Variants in ARL5A observed in about 807,000 individuals in gnomAD.
ARL5A encodes the protein ARF like GTPase 5A.
Under a neutral mutation model 25.9 loss-of-function variants are expected in ARL5A, and 18 were observed. The observed-to-expected ratio is 0.69, with a 90% confidence interval of 0.48 to 1.03. The LOEUF is 1.03. Among genes scored for constraint, ARL5A ranks in the 50% least tolerant of loss-of-function variants. The pLI is 0.00. For missense variants in ARL5A, 170 were observed against 211.9 expected (o/e 0.80, Z 1.23); for synonymous variants, 61 against 67.5 (o/e 0.90, Z 0.47).
rs1391615152 is a variant in ARL5A, at chr2:151,801,366, T to C, written c.*1910A>G. ...GGACTAAGCACATGATTATTCAAAT[T>C]AAAACATAAAAAGGACAAAAGGTGT... On this transcript the variant is annotated 3_prime_UTR_variant, in exon 6 of 6. Transcript: ENST00000295087. 1 of 152,102 alleles carries C rather than the reference T, an allele frequency of 6.6e-6. No individual in the cohort carries two copies. The highest frequency in any genetic ancestry group is 1.5e-5 in the Non-Finnish European group (1 of 67,960). 9.4% of individuals were successfully genotyped at this position (152,102 alleles called of 1,614,324 possible).
intron 1 of ARL5A, among the ~76,000 whole-genome samples, chr2:151,816,421 A>C (rs2099831511): frequency 6.6e-6 from 1 of 152,212 alleles, no homozygotes; most frequent in African/African-American, 2.4e-5. Context: ...TTCCTAGCTG[A>C]GCTTAGTCGA....
At chr2:151,815,611 G>C (rs1343073302) in intron 1 of ARL5A, among the ~76,000 whole-genome samples, 1 of 152,202 alleles carries the variant, frequency 6.6e-6, no homozygotes, top group Non-Finnish European at 1.5e-5. Flanking sequence ...CATGTGTGTG[G>C]AGTGGAGTGA....
At chr2:151,809,688 TAAGA>T (rs1045545014) in intron 4 of ARL5A, among the ~76,000 whole-genome samples, 2 of 152,224 alleles carry the variant, frequency 1.3e-5, no homozygotes, top group African/African-American at 4.8e-5. Flanking sequence ...ATTTCTAGTC[TAAGA>T]TATATTTTAG....
At chr2:151,806,793 G>A (rs780069323) in intron 5 of ARL5A, 28 bp downstream of exon 5, 7 of 1,578,070 alleles carry the variant, frequency 4.4e-6, no homozygotes, top group East Asian at 4.5e-5. Context: ...ATAAATGTTC[G>A]ATAACATTTA....
intron 2 of ARL5A, among the ~76,000 whole-genome samples, chr2:151,814,872 G>A (rs1471837280): frequency 6.6e-6 from 1 of 151,922 alleles, no homozygotes; most frequent in Non-Finnish European, 1.5e-5. Flanking sequence ...CACCGCACCC[G>A]GCCATATTTT....
chr2:151,798,881 G>A lies in ARL5A; in HGVS notation c.*4395C>T, dbSNP rs2099829038. On this transcript the variant is annotated 3_prime_UTR_variant, in exon 6 of 6. Transcript: ENST00000295087. The stretch of plus-strand genomic sequence containing the variant: ...TAGGCACTTCTTGAGTACAGACTAT[G>A]GGAATTTTCTACCAAAGAACAGGAT... 6.6e-6 allele frequency: 1 copy of A among 151,918 alleles called. No individual in the cohort carries two copies. Among genetic ancestry groups the A allele is most frequent in the South Asian group, 2.1e-4 (1 of 4,818 alleles). The allele number at this position is 151,918 out of a possible 1,614,324, so 9.4% of individuals were successfully genotyped here. A position where few individuals can be genotyped will look rare whatever the true frequency, so the allele number is the denominator to read the frequency against.
At chr2:151,805,091 A>G (rs2099829914) in intron 5 of ARL5A, among the ~76,000 whole-genome samples, 1 of 152,144 alleles carries the variant, frequency 6.6e-6, no homozygotes, top group Middle Eastern at 3.2e-3. Context: ...ATTGACAAAT[A>G]TTATAAATCC....
chr2:151,826,897 CCTTT>C (rs1012859153), intron 1 of ARL5A, among the ~76,000 whole-genome samples: 23 of 151,702 alleles, frequency 1.5e-4, no homozygotes, highest in African/African-American at 5.6e-4. Flanking sequence ...TTGATACTGC[CCTTT>C]CTTTCGGTAT....
intron 4 of ARL5A, 79 bp from the exon 5 acceptor site, chr2:151,807,051 A>G (rs1578372117): frequency 1.5e-6 from 2 of 1,322,702 alleles, no homozygotes; most frequent in Non-Finnish European, 2.1e-6. Context: ...TCTTTTTCAC[A>G]ATCTTAGTAA....
chr2:151,803,806 C>T (rs141457821), intron 5 of ARL5A, among the ~76,000 whole-genome samples: 108 of 152,264 alleles, frequency 7.1e-4, no homozygotes, highest in African/African-American at 1.9e-3. Context: ...TCTGGCAATA[C>T]GTATCAAAAA....
chr2:151,808,106 GGTGT>G (rs2099830322), intron 4 of ARL5A, among the ~76,000 whole-genome samples: 1 of 152,008 alleles, frequency 6.6e-6, no homozygotes, highest in African/African-American at 2.4e-5. Context: ...ACAATTTGAG[GGTGT>G]TAATAAATAG....
intron 5 of ARL5A, 103 bp from the exon 6 acceptor site, chr2:151,803,427 A>G (rs916671309): frequency 6.2e-6 from 5 of 812,682 alleles, no homozygotes; most frequent in South Asian, 3.0e-5. Flanking sequence ...ATTTAGCTAA[A>G]TAACAAAGAT....
chr2:151,799,992 G>A lies in ARL5A; in HGVS notation c.*3284C>T, dbSNP rs953935695. ...GGAGAGTGGGAGAGGTCAAAGTTAC[G>A]AGGAGAAACTTGTCTCTACCCAGCC... On this transcript the variant is annotated 3_prime_UTR_variant, in exon 6 of 6. Coordinates refer to ENST00000295087, the MANE Select transcript of ARL5A (RefSeq NM_012097.4). The A allele has an allele frequency of 2.0e-5, 3 of 152,166 alleles. No individual in the cohort carries two copies. Among genetic ancestry groups the A allele is most frequent in the Non-Finnish European group, 4.4e-5 (3 of 68,038 alleles). 9.4% of individuals were successfully genotyped at this position (152,166 alleles called of 1,614,324 possible). A position where few individuals can be genotyped will look rare whatever the true frequency, so the allele number is the denominator to read the frequency against.
At chr2:151,815,090 C>CA (rs2099831327) in intron 2 of ARL5A, 49 bp downstream of exon 2, 2 of 1,430,482 alleles carry the variant, frequency 1.4e-6, no homozygotes, top group African/African-American at 1.4e-5. Flanking sequence ...TCACCCAGGC[C>CA]AAAAAAGTAA....
Position 151,814,193 on chromosome 2 carries a change from C to G in ARL5A, c.231G>C (p.Trp77Cys). The change falls in exon 3 of 6, where the codon TGG (tryptophan) becomes TGC (cysteine). Residue 77 changes from tryptophan (W) to cysteine (C), a missense_variant. Transcript: ENST00000295087. ...CCTCTGTGTTAGTATAGTAAGTGTT[C>G]CAGGAAGAACGAAGAGATTCTTGGC... Reference protein sequence around the residue: ...IGGQESLRSSWNTYYTNTEFV... With the variant: ...IGGQESLRSSCNTYYTNTEFV... 1.9e-6 allele frequency: 3 copies of G among 1,603,562 alleles called. No individual in the cohort carries two copies. In the South Asian group the frequency reaches 3.4e-5, roughly 18 times the overall value.
At chr2:151,815,583 T>G (rs1186269820) in intron 1 of ARL5A, among the ~76,000 whole-genome samples, 4 of 152,220 alleles carry the variant, frequency 2.6e-5, no homozygotes, top group Non-Finnish European at 5.9e-5. Context: ...AACTGGAACT[T>G]AAGGCATCAA....
intron 4 of ARL5A, among the ~76,000 whole-genome samples, chr2:151,807,221 C>T (rs543409021): frequency 2.0e-4 from 31 of 152,244 alleles, no homozygotes; most frequent in Non-Finnish European, 4.1e-4. Context: ...CCAGTATATA[C>T]ACCACCCACC....
chr2:151,811,259 A>T (rs752188853), intron 4 of ARL5A, among the ~76,000 whole-genome samples: 2 of 152,226 alleles, frequency 1.3e-5, no homozygotes, highest in African/African-American at 2.4e-5. Context: ...CATCAAATCA[A>T]TAACAAAATT....
chr2:151,828,036 AG>A, intron 1 of ARL5A, 94 bp downstream of exon 1: 1 of 1,387,352 alleles, frequency 7.2e-7, no homozygotes, highest in Non-Finnish European at 1.0e-6. Flanking sequence ...CGCCCGACCG[AG>A]CCGCCCACAT....
Sources: allele counts gnomAD v4.1 joint callset (sites outside exome capture counted in the v4.1 genomes callset), GRCh38; gene constraint gnomAD v4.1.1; transcripts MANE v1.5; gene names NCBI Gene and HGNC (gene_info 2026-07-23, HGNC 2026-07-21).